Variants in FMNL3 observed in about 807,000 individuals in gnomAD.
FMNL3 encodes the protein formin like 3.
FMNL3 carries 57 observed loss-of-function variants against 119.6 expected under a neutral mutation model. That is an observed-to-expected ratio of 0.48 (90% CI 0.39 to 0.59). The LOEUF (loss-of-function observed/expected upper bound fraction) is 0.59. FMNL3 is among the 20% of genes least tolerant of loss of function. FMNL3 has a pLI of 0.00. For synonymous variants in FMNL3, 491 were observed against 507.3 expected (o/e 0.97, Z 0.43); for missense variants, 1,053 against 1,323.5 (o/e 0.80, Z 3.17).
In FMNL3 at chr12:49,656,497, C is replaced by T. The variant is rs1473800489; in HGVS notation, c.792G>A (p.Arg264=). 5 of 1,613,116 alleles carry T rather than the reference C, an allele frequency of 3.1e-6. No homozygotes were observed. The highest frequency in any genetic ancestry group is 4.2e-6 in the Non-Finnish European group (5 of 1,179,658). Reference sequence around the variant, plus strand: ...GAAGCTCTAAGACAAGGGCTTTGGTCCTAAGGGGTGAAGAAGGAAGATTAA... The same window carrying T: ...GAAGCTCTAAGACAAGGGCTTTGGTTCTAAGGGGTGAAGAAGGAAGATTAA... ...IALSLNNKNP[R]TKALVLELLA... Residue 264 remains arginine (R), a splice_region_variant and synonymous_variant, in exon 9 of 26, where the codon AGG becomes AGA. Coordinates refer to ENST00000335154, the MANE Select transcript of FMNL3 (RefSeq NM_175736.5).
chr12:49,642,106 C>T lies in FMNL3; in HGVS notation c.*3709G>A, dbSNP rs1942748208. ...TCCTTCTCACTCACTGTCCCACTGACTATATTCCCAATTCAGGGGATGGTG... is the reference window on the plus strand; with the variant it reads ...TCCTTCTCACTCACTGTCCCACTGATTATATTCCCAATTCAGGGGATGGTG... On this transcript the variant is annotated 3_prime_UTR_variant, in exon 26 of 26. Transcript: ENST00000335154. This position sits in a 1 kb window ranked among gnomAD's most constrained non-coding sequence, Gnocchi z 5.8. 6 of 1,601,854 alleles carry T rather than the reference C, an allele frequency of 3.7e-6. No homozygotes were observed. Among genetic ancestry groups the T allele is most frequent in the Non-Finnish European group, 5.1e-6 (6 of 1,171,216 alleles).
At position 49,639,207 on chromosome 12, in the gene FMNL3, C is replaced by T. The variant is rs971988505; in HGVS notation, c.*6608G>A. 2.0e-5 allele frequency: 3 copies of T among 152,150 alleles called. No individual in the cohort carries two copies. The highest frequency in any genetic ancestry group is 7.2e-5 in the African/African-American group (3 of 41,422). 9.4% of individuals were successfully genotyped at this position (152,150 alleles called of 1,614,324 possible). On this transcript the variant is annotated 3_prime_UTR_variant, in exon 26 of 26. Coordinates refer to ENST00000335154, the MANE Select transcript of FMNL3 (RefSeq NM_175736.5). ...AGAACCTTTCAGTCTAGAGTACGTA[C>T]TTATGTCCTTAGGGAAGGTGGTGGT...
intron 1 of FMNL3, among the ~76,000 whole-genome samples, chr12:49,703,602 A>G (rs1385806708): frequency 1.3e-5 from 2 of 152,102 alleles, no homozygotes. Context: ...TGGGAACTTT[A>G]GCTGCCCCTA....
Position 49,643,992 on chromosome 12 carries a change from C to G in FMNL3, c.*1823G>C. 1.9e-6 allele frequency: 3 copies of G among 1,614,170 alleles called. No individual in the cohort carries two copies. The highest frequency in any genetic ancestry group is 2.5e-6 in the Non-Finnish European group (3 of 1,180,038). On this transcript the variant is annotated 3_prime_UTR_variant, in exon 26 of 26. Transcript: ENST00000335154. Reference sequence around the variant, plus strand: ...CTAACCGTTCCCCAGGCTTTGGAATCAAGAAGGAGAAGGTGAGGGGCAGGG... The same window carrying G: ...CTAACCGTTCCCCAGGCTTTGGAATGAAGAAGGAGAAGGTGAGGGGCAGGG...
chr12:49,645,104 C>CAAAAAAAAAAAAA lies in FMNL3; in HGVS notation c.*698_*710dup, dbSNP rs3073937. On this transcript the variant is annotated 3_prime_UTR_variant, in exon 26 of 26. Coordinates refer to ENST00000335154, the MANE Select transcript of FMNL3 (RefSeq NM_175736.5). ...GACCACCATGCTCCTTGTCCCCTGCCAAAAAAAAAAAAAAAAAAAAAAAAA... is the reference window on the plus strand; with the variant it reads ...GACCACCATGCTCCTTGTCCCCTGCCAAAAAAAAAAAAAAAAAAAAAAAAAAAAAAAAAAAAAA... 1 of 55,588 alleles carries CAAAAAAAAAAAAA rather than the reference C, an allele frequency of 1.8e-5. No homozygotes were observed. The allele number at this position is 55,588 out of a possible 1,614,324, so 3.4% of individuals were successfully genotyped here.
chr12:49,678,210 T>C (rs1222952103), intron 1 of FMNL3, among the ~76,000 whole-genome samples: 1 of 150,804 alleles, frequency 6.6e-6, no homozygotes, highest in Non-Finnish European at 1.5e-5. Context: ...CAGGCTGGAG[T>C]GCAGTGGTGT....
chr12:49,666,281 C>T, intron 2 of FMNL3, 74 bp from the exon 3 acceptor site: 1 of 1,340,880 alleles, frequency 7.5e-7, no homozygotes. Flanking sequence ...GGAAGAAGAG[C>T]ATTCATAGTG....
chr12:49,683,375 C>A (rs2138959261), intron 1 of FMNL3, among the ~76,000 whole-genome samples: 1 of 152,200 alleles, frequency 6.6e-6, no homozygotes, highest in East Asian at 1.9e-4. Context: ...TAAGGTATTT[C>A]TTCTACTGTG....
rs1282700488 is a variant in FMNL3, at chr12:49,641,949, C to T, written c.*3866G>A. The T allele has an allele frequency of 1.9e-6, 3 of 1,613,908 alleles. No individual in the cohort carries two copies. The highest frequency in any genetic ancestry group is 4.5e-5 in the East Asian group (2 of 44,886). On this transcript the variant is annotated 3_prime_UTR_variant, in exon 26 of 26. Coordinates refer to ENST00000335154, the MANE Select transcript of FMNL3 (RefSeq NM_175736.5). ...TGGAGGTGAACACGGCCTTTGAGGA[C>T]TTCGCCCACGTCATAAGCTTTGACA...
At chr12:49,682,809 C>G (rs1164939390) in intron 1 of FMNL3, among the ~76,000 whole-genome samples, 1 of 152,118 alleles carries the variant, frequency 6.6e-6, no homozygotes, top group African/African-American at 2.4e-5. Context: ...AATCAAGAAA[C>G]CAACAGCCAC....
chr12:49,660,030 A>C, intron 5 of FMNL3: 3 of 908,590 alleles, frequency 3.3e-6, no homozygotes, highest in Non-Finnish European at 3.9e-6. Context: ...TAGTGTCCTC[A>C]TGATCAGGAG....
rs1250444040 is a variant in FMNL3 at position 49,637,648 on chromosome 12, C to A, written c.*8167G>T. 6.4e-6 allele frequency: 10 copies of A among 1,569,140 alleles called. No homozygotes were observed. Among genetic ancestry groups the A allele is most frequent in the Admixed American group, 1.7e-5 (1 of 59,302 alleles). On this transcript the variant is annotated 3_prime_UTR_variant, in exon 26 of 26. Coordinates refer to ENST00000335154, the MANE Select transcript of FMNL3 (RefSeq NM_175736.5). ...CTGCCCTGCCAGCCTCTCTGCACCCCCTACTACCGGCTCCTGTCCTCGGCC... is the reference window on the plus strand; with the variant it reads ...CTGCCCTGCCAGCCTCTCTGCACCCACTACTACCGGCTCCTGTCCTCGGCC...
At position 49,641,716 on chromosome 12, in the gene FMNL3, A is replaced by G; in HGVS notation, c.*4099T>C. ...TTCAGCTCTGTGTGACATCCAAACC[A>G]AGGGTAGGCATGGGGGCTTAATTGT... On this transcript the variant is annotated 3_prime_UTR_variant, in exon 26 of 26. Transcript: ENST00000335154. The G allele has an allele frequency of 1.7e-6, 1 of 586,054 alleles. No homozygotes were observed. The highest frequency in any genetic ancestry group is 2.8e-5 in the East Asian group (1 of 35,604). 36.3% of individuals were successfully genotyped at this position (586,054 alleles called of 1,614,324 possible). A position where few individuals can be genotyped will look rare whatever the true frequency, so the allele number is the denominator to read the frequency against.
At chr12:49,688,665 T>C in intron 1 of FMNL3, 1 of 380,960 alleles carries the variant, frequency 2.6e-6, no homozygotes, top group African/African-American at 2.1e-5. Flanking sequence ...AGAAGTCCAT[T>C]ACAACAGACC....
Position 49,656,531 on chromosome 12 carries a change from C to G in FMNL3, c.792-34G>C. 1.9e-6 allele frequency: 3 copies of G among 1,565,764 alleles called. 1 individual carries two copies. The South Asian group carries it at 3.4e-5, about 18-fold the overall frequency. ...TGAAGAAGGAAGATTAACACCCTAA[C>G]TCCCCATCCTGACAACCACACAGCT... On this transcript the variant is annotated intron_variant, in intron 8 of 25. Transcript: ENST00000335154.
intron 5 of FMNL3, chr12:49,659,943 C>CAG: frequency 1.0e-6 from 1 of 985,430 alleles, no homozygotes; most frequent in Non-Finnish European, 1.2e-6. Context: ...GTCAAAGGCA[C>CAG]AGAGGTTGAG....
rs937943784 is a variant in FMNL3, at chr12:49,646,785, G to A, written c.2995+101C>T. On this transcript the variant is annotated intron_variant, in intron 25 of 25. Transcript: ENST00000335154. ...CCCAGGAGAGAGACACAGTGGTCAG[G>A]CCTCATGGGGGGTGGGGTGGGAGGA... The A allele has an allele frequency of 5.0e-6, 8 of 1,605,050 alleles. No individual in the cohort carries two copies. In the African/African-American group the frequency reaches 1.1e-4, roughly 21 times the overall value.
At chr12:49,663,567 G>A (rs905766528) in intron 4 of FMNL3, among the ~76,000 whole-genome samples, 10 of 152,344 alleles carry the variant, frequency 6.6e-5, no homozygotes, top group African/African-American at 1.4e-4. Flanking sequence ...CAGAGAAGCC[G>A]CAGTTCAGAT....
chr12:49,650,030 C>A, intron 17 of FMNL3, 105 bp from the exon 18 acceptor site: 1 of 964,954 alleles, frequency 1.0e-6, no homozygotes, highest in Non-Finnish European at 1.5e-6. Context: ...GGACTGTACA[C>A]GGAACACAGC....
Sources: gnomAD v4.1 joint callset for allele counts (sites outside exome capture counted in the v4.1 genomes callset) on GRCh38, gnomAD v4.1.1 for gene constraint, Gnocchi (gnomAD v3.1) non-coding constraint, MANE v1.5 for transcripts, NCBI Gene and HGNC (gene_info 2026-07-23, HGNC 2026-07-21) for gene names.